SLC16A2: variants seen among roughly 807,000 people sequenced by gnomAD.
SLC16A2 encodes solute carrier family 16 member 2.
In SLC16A2, 3 loss-of-function variants were observed where a neutral mutation model predicts 27.2. The observed-to-expected ratio is 0.11, with a 90% CI of 0.05 to 0.28. SLC16A2 has a LOEUF of 0.28. Ranked by LOEUF, SLC16A2 falls within the 10% of genes least tolerant of loss-of-function variation. The probability of loss-of-function intolerance (pLI) is 1.00; values close to 1 mark genes in which losing one functional copy is unlikely to be tolerated. For synonymous variants in SLC16A2, 202 were observed against 187.8 expected (o/e 1.08, Z -0.62); for missense variants, 295 against 458.5 (o/e 0.64, Z 3.26).
intron 1 of SLC16A2, chrX:74,473,532 C>A: frequency 1.5e-6 from 1 of 657,359 alleles, no homozygotes; most frequent in Non-Finnish European, 2.5e-6. Flanking sequence ...CTGCCTCAGT[C>A]GGTCATGATT....
chrX:74,463,905 C>G, intron 1 of SLC16A2, among the ~76,000 whole-genome samples: 1 of 112,404 alleles, frequency 8.9e-6, no homozygotes, highest in Non-Finnish European at 1.9e-5. Context: ...ACATCATCCT[C>G]AAAAGTTTCT....
intron 1 of SLC16A2, among the ~76,000 whole-genome samples, chrX:74,430,426 A>G (rs1928515692): frequency 8.9e-6 from 1 of 111,747 alleles, no homozygotes; most frequent in Admixed American, 9.5e-5. Flanking sequence ...CAAGGATAAA[A>G]AGAGATGACC....
chrX:74,429,888 G>A (rs749445212), intron 1 of SLC16A2, among the ~76,000 whole-genome samples: 25 of 111,700 alleles, frequency 2.2e-4, no homozygotes, highest in African/African-American at 8.1e-4. Flanking sequence ...ACTAATGCTA[G>A]GGGAGACCAG....
At chrX:74,469,483 A>G (rs1304125865) in intron 1 of SLC16A2, among the ~76,000 whole-genome samples, 1 of 111,890 alleles carries the variant, frequency 8.9e-6, no homozygotes, top group African/African-American at 3.2e-5. Context: ...ATCCTCACCA[A>G]CACTTATTTT....
At chrX:74,479,499 C>G (rs1929566972) in intron 1 of SLC16A2, among the ~76,000 whole-genome samples, 1 of 112,514 alleles carries the variant, frequency 8.9e-6, no homozygotes, top group Non-Finnish European at 1.9e-5. Flanking sequence ...AAGTCATTCT[C>G]CCTCCAGCTT....
At chrX:74,452,576 A>G (rs1928962414) in intron 1 of SLC16A2, among the ~76,000 whole-genome samples, 1 of 111,935 alleles carries the variant, frequency 8.9e-6, no homozygotes, top group Non-Finnish European at 1.9e-5. Flanking sequence ...CTTGAGGTAT[A>G]TATAAAGATT....
At chrX:74,447,043 G>A (rs1431467868) in intron 1 of SLC16A2, among the ~76,000 whole-genome samples, 2 of 112,075 alleles carry the variant, frequency 1.8e-5, no homozygotes, top group East Asian at 2.8e-4. Context: ...TTGGCCTAAG[G>A]CCTGGGTGAA....
At chrX:74,424,965 C>T (rs1050336450) in intron 1 of SLC16A2, among the ~76,000 whole-genome samples, 4 of 112,162 alleles carry the variant, frequency 3.6e-5, no homozygotes, top group Admixed American at 9.5e-5. Context: ...CACAAGCAAT[C>T]GTCCCACCTC....
chrX:74,436,531 G>A (rs1000266519), intron 1 of SLC16A2, among the ~76,000 whole-genome samples: 2 of 111,889 alleles, frequency 1.8e-5, no homozygotes, highest in Non-Finnish European at 3.8e-5. Context: ...ATTTGTAACA[G>A]GAAGATAGCA....
At chrX:74,472,596 C>G (rs971574510) in intron 1 of SLC16A2, among the ~76,000 whole-genome samples, 1 of 111,564 alleles carries the variant, frequency 9.0e-6, no homozygotes, top group African/African-American at 3.2e-5. Flanking sequence ...GTTTTTATTA[C>G]TGTACCTTTG....
At chrX:74,487,118 T>C (rs1929735915) in intron 1 of SLC16A2, among the ~76,000 whole-genome samples, 1 of 111,374 alleles carries the variant, frequency 9.0e-6, no homozygotes, top group Non-Finnish European at 1.9e-5. Flanking sequence ...CCTTAGATCA[T>C]TTTACCTTTT....
intron 1 of SLC16A2, among the ~76,000 whole-genome samples, chrX:74,461,434 G>A (rs190795447): frequency 2.8e-5 from 3 of 106,535 alleles, no homozygotes; most frequent in East Asian, 3.2e-4. Context: ...GTGTGTGCAC[G>A]CGTGCATGTG....
chrX:74,490,990 G>C (rs905616351), intron 1 of SLC16A2, among the ~76,000 whole-genome samples: 1 of 112,009 alleles, frequency 8.9e-6, no homozygotes, highest in Non-Finnish European at 1.9e-5. Flanking sequence ...GGAGAAGCTC[G>C]AAGTCAGGAA....
At chrX:74,519,398 C>G (rs1192249329) in intron 1 of SLC16A2, among the ~76,000 whole-genome samples, 1 of 101,781 alleles carries the variant, frequency 9.8e-6, no homozygotes, top group Non-Finnish European at 2.0e-5. Flanking sequence ...AGGATGGTCT[C>G]TATCTCCTGA....
chrX:74,521,291 T>C (rs1930402094), intron 2 of SLC16A2, among the ~76,000 whole-genome samples, 157 bp downstream of exon 2: 1 of 112,088 alleles, frequency 8.9e-6, no homozygotes, highest in Non-Finnish European at 1.9e-5. Flanking sequence ...TCCAGTGAAT[T>C]CATCTGGGTA....
chrX:74,477,118 T>C (rs888963360), intron 1 of SLC16A2: 3 of 112,067 alleles, frequency 2.7e-5, no homozygotes, highest in Non-Finnish European at 5.6e-5. Flanking sequence ...TGGACTTTTT[T>C]TTGGTTGGTA....
intron 1 of SLC16A2, chrX:74,477,027 T>C (rs1225424649): frequency 8.9e-6 from 1 of 112,326 alleles, no homozygotes; most frequent in Non-Finnish European, 1.9e-5. Context: ...CTTTTTCTAT[T>C]GATTGGAATA....
chrX:74,452,047 A>T (rs762472836), intron 1 of SLC16A2, among the ~76,000 whole-genome samples: 1 of 112,782 alleles, frequency 8.9e-6, no homozygotes, highest in African/African-American at 3.2e-5. Flanking sequence ...GAGCTAAATT[A>T]CTAGCAGTAG....
intron 1 of SLC16A2, among the ~76,000 whole-genome samples, chrX:74,449,505 G>T (rs1021590012): frequency 1.8e-5 from 2 of 112,196 alleles, no homozygotes; most frequent in East Asian, 5.6e-4. Context: ...TGTTGGCTTT[G>T]TGCTGATAAC....
Sources: allele counts gnomAD v4.1 joint callset (sites outside exome capture counted in the v4.1 genomes callset), GRCh38; gene constraint gnomAD v4.1.1; transcripts MANE v1.5; gene names NCBI Gene and HGNC (gene_info 2026-07-23, HGNC 2026-07-21).